The following MYCBP2 variants were observed in gnomAD, a reference collection of about 807,000 sequenced individuals.
MYCBP2 encodes the protein E3 ubiquitin-protein ligase MYCBP2.
MYCBP2 carries 120 observed loss-of-function variants against 525.3 expected under a neutral mutation model. The observed-to-expected ratio is 0.23, with a 90% confidence interval of 0.20 to 0.27. The LOEUF (loss-of-function observed/expected upper bound fraction) is 0.27. MYCBP2 is among the 10% of genes least tolerant of loss of function. The pLI, the probability that MYCBP2 is intolerant of heterozygous loss-of-function variation, is 1.00. For missense variants in MYCBP2, 4,149 were observed against 5,657.1 expected, an observed-to-expected ratio of 0.73 and a Z score of 8.55; for synonymous variants, 1,894 against 1,955.8, an observed-to-expected ratio of 0.97 and a Z score of 0.83.
intron 52 of MYCBP2, among the ~76,000 whole-genome samples, chr13:77,131,965 T>C (rs920226714): frequency 3.9e-5 from 6 of 152,302 alleles, no homozygotes; most frequent in African/African-American, 1.4e-4. Context: ...AAATCTTTCC[T>C]TGTGTTAGAT....
intron 68 of MYCBP2, among the ~76,000 whole-genome samples, chr13:77,074,679 A>G (rs1387513836): frequency 6.6e-6 from 1 of 152,220 alleles, no homozygotes; most frequent in Non-Finnish European, 1.5e-5. Flanking sequence ...TCAGCAACCA[A>G]AAGAATGAAC....
chr13:77,093,419 G>C (rs147234242), intron 58 of MYCBP2, 87 bp from the exon 59 acceptor site: 1 of 1,173,602 alleles, frequency 8.5e-7, no homozygotes, highest in Non-Finnish European at 1.2e-6. Flanking sequence ...AGGAAAAGCA[G>C]CACATGTAAA....
chr13:77,131,515 CAA>C lies in MYCBP2; in HGVS notation c.7660-4975_7660-4974del, dbSNP rs1555353855. Reference sequence around the variant, plus strand: ...ACACACACACACACACACACACAAACAAACACACACACACACACACACACACT... The same window carrying C: ...ACACACACACACACACACACACAAACACACACACACACACACACACACACT... On this transcript the variant is annotated intron_variant, in intron 52 of 82. Coordinates refer to ENST00000544440, the MANE Select transcript of MYCBP2 (RefSeq NM_015057.5). Among the ~76,000 whole-genome samples, 388 of 56,938 alleles carry C rather than the reference CAA, an allele frequency of 6.8e-3. 1 individual carries two copies. The highest frequency in any genetic ancestry group is 0.018 in the Non-Finnish European group (277 of 15,214). The allele number at this position is 56,938 out of a possible 152,430, so 37.4% of individuals were successfully genotyped here.
At position 77,095,394 on chromosome 13, in the gene MYCBP2, A is replaced by T; in HGVS notation, c.10163T>A (p.Val3388Glu). 1 of 1,613,440 alleles carries T rather than the reference A, an allele frequency of 6.2e-7. No homozygotes were observed. Among genetic ancestry groups the T allele is most frequent in the Non-Finnish European group, 8.5e-7 (1 of 1,179,654 alleles). The change falls in exon 58 of 83, where the codon GTG (valine) becomes GAG (glutamate). Residue 3388 changes from valine (V) to glutamate (E), a missense_variant. Val to Glu is a moderately radical substitution (Grantham distance 121). Around this residue, in one of 21 missense-constraint regions of MYCBP2, gnomAD observed 509 missense variants for 789.4 expected, o/e 0.64. Coordinates refer to ENST00000544440, the MANE Select transcript of MYCBP2 (RefSeq NM_015057.5). ...CTGCAGGTAGAGACAAGGCATTTTC[A>T]CAGGAAGATCCTCAGAAATGCCTTC... Reference protein sequence around the residue: ...VKEGISEDLPVKMPCLYLQTL... With the variant: ...VKEGISEDLPEKMPCLYLQTL...
At chr13:77,096,037 C>T (rs2046198880) in intron 57 of MYCBP2, among the ~76,000 whole-genome samples, 1 of 151,564 alleles carries the variant, frequency 6.6e-6, no homozygotes, top group South Asian at 2.1e-4. Context: ...GAGAGAATAA[C>T]AGACAATTAA....
intron 23 of MYCBP2, among the ~76,000 whole-genome samples, chr13:77,207,897 G>A (rs902886606): frequency 5.3e-5 from 8 of 152,170 alleles, no homozygotes; most frequent in African/African-American, 1.9e-4. Context: ...TTTTGGTTCT[G>A]GAAAATTCAT....
chr13:77,296,864 T>A (rs374829463), intron 1 of MYCBP2, among the ~76,000 whole-genome samples, 190 bp from the exon 2 acceptor site: 1 of 152,164 alleles, frequency 6.6e-6, no homozygotes, highest in Non-Finnish European at 1.5e-5. Flanking sequence ...GAAGATAACA[T>A]GGGGCAGCTA....
At chr13:77,315,418 C>T (rs2080813955) in intron 1 of MYCBP2, among the ~76,000 whole-genome samples, 1 of 152,092 alleles carries the variant, frequency 6.6e-6, no homozygotes, top group Non-Finnish European at 1.5e-5. Flanking sequence ...TAGCATAATA[C>T]CAGCAAATCA....
intron 5 of MYCBP2, among the ~76,000 whole-genome samples, chr13:77,271,026 C>G (rs896523143): frequency 1.3e-5 from 2 of 151,948 alleles, no homozygotes; most frequent in Non-Finnish European, 2.9e-5. Flanking sequence ...TTTTTCATTT[C>G]TAGGAGTTCG....
At chr13:77,224,705 T>C (rs9600838) in intron 19 of MYCBP2, among the ~76,000 whole-genome samples, 173 bp from the exon 20 acceptor site, 5,720 of 152,242 alleles carry the variant, frequency 0.038, 379 homozygotes, top group African/African-American at 0.13. Context: ...TTCTGAAAAA[T>C]ATTTTTGTAG....
chr13:77,267,828 A>G lies in MYCBP2; in HGVS notation c.1357+13T>C. 2 of 1,596,208 alleles carry G rather than the reference A, an allele frequency of 1.3e-6. No individual in the cohort carries two copies. The highest frequency in any genetic ancestry group is 1.1e-5 in the South Asian group (1 of 90,500). On this transcript the variant is annotated intron_variant, in intron 8 of 82. Transcript: ENST00000544440. ...AATTGCTTGTGGAGAAAAAATGACT[A>G]CTTGAAACATACCTGGTAACATCAC...
chr13:77,271,979 G>A (rs1343600030), intron 5 of MYCBP2, among the ~76,000 whole-genome samples: 1 of 152,174 alleles, frequency 6.6e-6, no homozygotes. Flanking sequence ...ATGGAGTTTA[G>A]GCTAGAGTTG....
intron 58 of MYCBP2, 54 bp from the exon 59 acceptor site, chr13:77,093,386 C>G: frequency 6.8e-7 from 1 of 1,477,340 alleles, no homozygotes; most frequent in Non-Finnish European, 9.3e-7. Flanking sequence ...CAGATCCTCT[C>G]CATTTTTAAT....
At chr13:77,230,734 G>A (rs925240092) in intron 18 of MYCBP2, among the ~76,000 whole-genome samples, 5 of 152,208 alleles carry the variant, frequency 3.3e-5, no homozygotes, top group Admixed American at 2.6e-4. Context: ...TGTGATTGGC[G>A]TCACCATCAT....
chr13:77,195,664 C>T (rs2061689572), intron 26 of MYCBP2, among the ~76,000 whole-genome samples: 1 of 152,154 alleles, frequency 6.6e-6, no homozygotes, highest in South Asian at 2.1e-4. Context: ...CTTACTGGTA[C>T]CAAAGCTTGT....
At chr13:77,321,006 G>A (rs1362663141) in intron 1 of MYCBP2, among the ~76,000 whole-genome samples, 2 of 152,150 alleles carry the variant, frequency 1.3e-5, no homozygotes, top group East Asian at 1.9e-4. Flanking sequence ...TGAAGTGATG[G>A]AAACAGTCTA....
At chr13:77,228,028 A>G (rs551701265) in intron 18 of MYCBP2, among the ~76,000 whole-genome samples, 117 of 152,218 alleles carry the variant, frequency 7.7e-4, no homozygotes, top group Non-Finnish European at 1.3e-3. Context: ...CTTTATCAGC[A>G]GCAGTGGCAG....
intron 48 of MYCBP2, among the ~76,000 whole-genome samples, chr13:77,145,649 A>C (rs1273755760): frequency 1.3e-5 from 2 of 152,038 alleles, no homozygotes; most frequent in African/African-American, 4.8e-5. Context: ...TAATGCATCT[A>C]ATTATTTTTT....
intron 50 of MYCBP2, 68 bp downstream of exon 50, chr13:77,140,778 C>T (rs1210051021): frequency 9.1e-7 from 1 of 1,099,902 alleles, no homozygotes; most frequent in Non-Finnish European, 1.4e-6. Context: ...GTTTACTGGC[C>T]ATTTTGAAGC....
Sources: allele counts gnomAD v4.1 joint callset (sites outside exome capture counted in the v4.1 genomes callset), GRCh38; gene constraint gnomAD v4.1.1; regional missense constraint gnomAD v4.1.1; transcripts MANE v1.5; gene names NCBI Gene and HGNC (gene_info 2026-07-23, HGNC 2026-07-21).